The following PRDM16 variants were observed in gnomAD, a reference collection of about 807,000 sequenced individuals.
PRDM16 encodes histone-lysine N-methyltransferase PRDM16.
A neutral mutation model predicts 110.6 loss-of-function variants in PRDM16; 23 were observed. The ratio of observed to expected loss-of-function variants is 0.21; its 90% CI spans 0.15 to 0.29. The LOEUF is 0.29. PRDM16 is among the 10% of genes least tolerant of loss of function. The pLI, the probability that PRDM16 is intolerant of heterozygous loss-of-function variation, is 1.00. For synonymous variants in PRDM16, 799 were observed against 781.8 expected (o/e 1.02, Z -0.37); for missense variants, 1,615 against 1,794.3 (o/e 0.90, Z 1.81).
At chr1:3,234,900 A>G (rs1194668836) in intron 2 of PRDM16, among the ~76,000 whole-genome samples, 1 of 152,234 alleles carries the variant, frequency 6.6e-6, no homozygotes, top group African/African-American at 2.4e-5. Flanking sequence ...CCTGCCTGTA[A>G]TAACTGGGCA....
chr1:3,406,582 T>A (rs1268460951), intron 8 of PRDM16, among the ~76,000 whole-genome samples: 1 of 119,336 alleles, frequency 8.4e-6, no homozygotes, highest in African/African-American at 3.9e-5. Flanking sequence ...AAAAAAAAAT[T>A]TTTTTTTTAA....
chr1:3,347,116 G>T (rs902466442), intron 3 of PRDM16, among the ~76,000 whole-genome samples: 1 of 152,178 alleles, frequency 6.6e-6, no homozygotes, highest in Non-Finnish European at 1.5e-5. Flanking sequence ...GGGGAGGGTG[G>T]AGGGGGTCAG....
At chr1:3,173,324 T>A (rs1254445633) in intron 1 of PRDM16, among the ~76,000 whole-genome samples, 1 of 152,236 alleles carries the variant, frequency 6.6e-6, no homozygotes, top group Non-Finnish European at 1.5e-5. Flanking sequence ...GACAGTGGCA[T>A]CGCGAGTCAT....
At chr1:3,312,038 G>A (rs78266782) in intron 3 of PRDM16, among the ~76,000 whole-genome samples, 9,048 of 152,298 alleles carry the variant, frequency 0.059, 355 homozygotes, top group Middle Eastern at 0.099. Flanking sequence ...GCCCAGGAGT[G>A]CGGCTCATGG....
At chr1:3,220,308 C>T (rs1238849305) in intron 2 of PRDM16, among the ~76,000 whole-genome samples, 1 of 152,194 alleles carries the variant, frequency 6.6e-6, no homozygotes, top group Non-Finnish European at 1.5e-5. Context: ...ATCATAGCAG[C>T]CGGCCAGGGC....
At chr1:3,107,145 G>A (rs1016787835) in intron 1 of PRDM16, among the ~76,000 whole-genome samples, 21 of 152,224 alleles carry the variant, frequency 1.4e-4, no homozygotes, top group East Asian at 7.7e-4. Flanking sequence ...GAAGGAAGCC[G>A]AGGGCCCAGG....
intron 1 of PRDM16, among the ~76,000 whole-genome samples, chr1:3,182,766 A>C: frequency 6.6e-6 from 1 of 152,174 alleles, no homozygotes; most frequent in East Asian, 1.9e-4. Context: ...GTGTGTGACA[A>C]GACTCAAAGC....
At chr1:3,303,337 A>G (rs2455135) in intron 3 of PRDM16, among the ~76,000 whole-genome samples, 117,150 of 152,028 alleles carry the variant, frequency 0.77, 45,464 homozygotes, top group African/African-American at 0.87. Flanking sequence ...CATCCTCAGG[A>G]CCTGGCTTCT....
chr1:3,191,169 A>G (rs893569762), intron 2 of PRDM16, among the ~76,000 whole-genome samples: 1 of 152,264 alleles, frequency 6.6e-6, no homozygotes, highest in Non-Finnish European at 1.5e-5. Context: ...TCTGCTGAAG[A>G]GGCCAGGTGA....
intron 3 of PRDM16, among the ~76,000 whole-genome samples, chr1:3,283,549 A>G (rs1640768842): frequency 1.3e-5 from 2 of 152,246 alleles, no homozygotes; most frequent in South Asian, 4.2e-4. Context: ...CACAGAAGAG[A>G]GGGGACGGAC....
At position 3,244,119 on chromosome 1, in the gene PRDM16, G is replaced by A; in HGVS notation, c.420G>A (p.Gln140=). Residue 140 remains glutamine (Q), a synonymous_variant, in exon 3 of 17, where the codon CAG becomes CAA. Transcript: ENST00000270722. This position sits in a 1 kb window ranked among gnomAD's most constrained non-coding sequence, Gnocchi z 4.1. ...QILTDVEVSP[Q]EGCITKISED... ...TGACGGACGTGGAAGTGTCGCCCCA[G>A]GAAGGCTGCATCACAAAGGTAGGAG... 6.2e-7 allele frequency: 1 copy of A among 1,613,934 alleles called. No homozygotes were observed. Among genetic ancestry groups the A allele is most frequent in the Admixed American group, 1.7e-5 (1 of 60,032 alleles).
At chr1:3,211,768 G>C (rs770593640) in intron 2 of PRDM16, among the ~76,000 whole-genome samples, 1 of 152,220 alleles carries the variant, frequency 6.6e-6, no homozygotes, top group Non-Finnish European at 1.5e-5. Context: ...AACAGCACAC[G>C]GTGGCCCATG....
chr1:3,296,392 C>T (rs547886515), intron 3 of PRDM16, among the ~76,000 whole-genome samples: 1 of 152,384 alleles, frequency 6.6e-6, no homozygotes, highest in African/African-American at 2.4e-5. Context: ...AACACTTCTC[C>T]TTCCTCCACT....
intron 3 of PRDM16, among the ~76,000 whole-genome samples, chr1:3,377,041 T>G (rs1052955614): frequency 5.3e-5 from 8 of 152,376 alleles, no homozygotes; most frequent in Middle Eastern, 3.4e-3. Context: ...TTTCGGCTAC[T>G]CGTGGACACC....
At chr1:3,271,040 C>T (rs921608589) in intron 3 of PRDM16, among the ~76,000 whole-genome samples, 19 of 152,258 alleles carry the variant, frequency 1.2e-4, no homozygotes, top group Admixed American at 7.8e-4. Context: ...GTGTCTGCCA[C>T]GCTCCTCCCA....
At position 3,114,153 on chromosome 1, in the gene PRDM16, G is replaced by GCA. The variant is rs749731166; in HGVS notation, c.37+44867_37+44868dup. Among the ~76,000 whole-genome samples, 19 of 142,634 alleles carry GCA rather than the reference G, an allele frequency of 1.3e-4. No homozygotes were observed. The East Asian group carries it at 2.7e-3, about 20-fold the overall frequency. 93.6% of individuals were successfully genotyped at this position (142,634 alleles called of 152,430 possible). ...GTGTATCTCTGCACACTGCACACACGCACACACACACGCACACACACGCAC... is the reference window on the plus strand; with the variant it reads ...GTGTATCTCTGCACACTGCACACACGCACACACACACACGCACACACACGCAC... On this transcript the variant is annotated intron_variant, in intron 1 of 16. Coordinates refer to ENST00000270722, the MANE Select transcript of PRDM16 (RefSeq NM_022114.4).
intron 1 of PRDM16, among the ~76,000 whole-genome samples, chr1:3,145,583 G>A (rs1643632655): frequency 6.6e-6 from 1 of 152,146 alleles, no homozygotes. Flanking sequence ...TCCACGTGGT[G>A]CAGCAGTGAA....
At chr1:3,225,578 G>GCA (rs1483753018) in intron 2 of PRDM16, among the ~76,000 whole-genome samples, 24 of 150,224 alleles carry the variant, frequency 1.6e-4, no homozygotes, top group African/African-American at 6.0e-4. Flanking sequence ...GTGTGTGCGC[G>GCA]CGCGCAGAAG....
chr1:3,125,305 T>C (rs1174710230), intron 1 of PRDM16, among the ~76,000 whole-genome samples: 1 of 152,234 alleles, frequency 6.6e-6, no homozygotes, highest in Non-Finnish European at 1.5e-5. Context: ...GCCTCAGAGC[T>C]GGCCAGAGGA....
Sources: allele counts gnomAD v4.1 joint callset (sites outside exome capture counted in the v4.1 genomes callset), GRCh38; gene constraint gnomAD v4.1.1; non-coding constraint Gnocchi (gnomAD v3.1); transcripts MANE v1.5; gene names NCBI Gene and HGNC (gene_info 2026-07-23, HGNC 2026-07-21).